ABCC2: variants seen among roughly 807,000 people sequenced by gnomAD.
ABCC2 encodes the protein ATP binding cassette subfamily C member 2.
Under a neutral mutation model 173.4 loss-of-function variants are expected in ABCC2, and 157 were observed. That is an observed-to-expected ratio of 0.91 (90% CI 0.80 to 1.03). The LOEUF (loss-of-function observed/expected upper bound fraction) is 1.03, where lower values mean the gene tolerates loss of function less well. ABCC2 is among the 50% of genes least tolerant of loss of function. ABCC2 has a pLI of 0.00. For missense variants in ABCC2, 1,822 were observed against 1,852.3 expected, an observed-to-expected ratio of 0.98 and a Z score of 0.30; for synonymous variants, 657 against 693.5, an observed-to-expected ratio of 0.95 and a Z score of 0.83.
intron 6 of ABCC2, 102 bp downstream of exon 6, chr10:99,794,570 G>A (rs1000137584): frequency 1.2e-4 from 147 of 1,190,650 alleles, no homozygotes; most frequent in Admixed American, 3.6e-4. Context: ...TTGAGATGGA[G>A]TTTTGCTCTT....
chr10:99,842,204 T>A, intron 26 of ABCC2, 111 bp downstream of exon 26: 1 of 1,480,490 alleles, frequency 6.8e-7, no homozygotes, highest in Non-Finnish European at 9.3e-7. Flanking sequence ...CCAGAGGGAC[T>A]AAAGAAGACT....
intron 25 of ABCC2, among the ~76,000 whole-genome samples, chr10:99,839,093 C>A (rs1259575014): frequency 7.2e-6 from 1 of 139,104 alleles, no homozygotes; most frequent in East Asian, 2.4e-4. Context: ...GGGGCAGACC[C>A]CCCCCCCACC....
intron 19 of ABCC2, among the ~76,000 whole-genome samples, chr10:99,830,094 A>C (rs550457538): frequency 2.5e-4 from 38 of 152,348 alleles, no homozygotes; most frequent in African/African-American, 8.7e-4. Flanking sequence ...GTGGAATATT[A>C]ATTCATCTCT....
intron 2 of ABCC2, chr10:99,789,274 A>T (rs1231706319): frequency 1.3e-5 from 2 of 152,230 alleles, no homozygotes; most frequent in East Asian, 3.9e-4. Flanking sequence ...TCTGAGTGGG[A>T]CACCTCCTCA....
chr10:99,814,158 C>T lies in ABCC2; in HGVS notation c.2094+1014C>T, dbSNP rs71488024. On this transcript the variant is annotated intron_variant, in intron 16 of 31. Coordinates refer to ENST00000647814, the MANE Select transcript of ABCC2 (RefSeq NM_000392.5). ...GTATATATACACACATGTATGTATA[C>T]ACACGTATATATACACACATGTATG... Among the ~76,000 whole-genome samples, 94 of 23,112 alleles carry T rather than the reference C, an allele frequency of 4.1e-3. 11 individuals carry two copies. In the Middle Eastern group the frequency reaches 0.088, roughly 22 times the overall value. The allele number at this position is 23,112 out of a possible 152,430, so 15.2% of individuals were successfully genotyped here.
chr10:99,834,145 G>C (rs1342795667), intron 23 of ABCC2, among the ~76,000 whole-genome samples: 2 of 152,208 alleles, frequency 1.3e-5, no homozygotes. Context: ...GCCTTGCAAA[G>C]TGCTGGGATT....
At chr10:99,784,817 C>G in intron 2 of ABCC2, 36 bp downstream of exon 2, 1 of 1,607,722 alleles carries the variant, frequency 6.2e-7, no homozygotes. Flanking sequence ...ACTCTAATTC[C>G]TTGGTGCACA....
chr10:99,851,757 C>T lies in ABCC2; in HGVS notation c.*126C>T, dbSNP rs1194645679. ...TACGTTTTAAAAAAGGATAAGTGAA[C>T]ACCCATGAACCTACTACCCAGGTTA... On this transcript the variant is annotated 3_prime_UTR_variant, in exon 32 of 32. Coordinates refer to ENST00000647814, the MANE Select transcript of ABCC2 (RefSeq NM_000392.5). 8 of 973,726 alleles carry T rather than the reference C, an allele frequency of 8.2e-6. No homozygotes were observed. In the East Asian group the frequency reaches 2.2e-4, roughly 27 times the overall value. 60.3% of individuals were successfully genotyped at this position (973,726 alleles called of 1,614,324 possible). A position where few individuals can be genotyped will look rare whatever the true frequency, so the allele number is the denominator to read the frequency against.
At position 99,817,261 on chromosome 10, in the gene ABCC2, G is replaced by A. The variant is rs56874013; in HGVS notation, c.2095-47G>A. Reference sequence around the variant, plus strand: ...CAGCCACCCCGTCCTTCAACCCTGCGTTTCTGGAGGTGCAGCTGTAACATG... The same window carrying A: ...CAGCCACCCCGTCCTTCAACCCTGCATTTCTGGAGGTGCAGCTGTAACATG... On this transcript the variant is annotated intron_variant, in intron 16 of 31. Transcript: ENST00000647814. The A allele has an allele frequency of 4.7e-3, 7,443 of 1,599,584 alleles. 248 individuals are homozygous for A. In the African/African-American group the frequency reaches 0.076, roughly 16 times the overall value.
At chr10:99,797,612 A>G (rs1429361419) in intron 7 of ABCC2, 12 of 407,824 alleles carry the variant, frequency 2.9e-5, no homozygotes, top group Non-Finnish European at 9.1e-6. Flanking sequence ...GCACCTTGGT[A>G]CAAATTAGCA....
intron 30 of ABCC2, among the ~76,000 whole-genome samples, chr10:99,848,243 C>T (rs1222261114): frequency 6.6e-6 from 1 of 152,228 alleles, no homozygotes; most frequent in African/African-American, 2.4e-5. Context: ...CTGAAATCAA[C>T]AAAAGACTCT....
At position 99,804,242 on chromosome 10, in the gene ABCC2, C is replaced by A. The variant is rs201399138; in HGVS notation, c.1433C>A (p.Ala478Glu). 6.2e-7 allele frequency: 1 copy of A among 1,613,918 alleles called. No individual in the cohort carries two copies. The highest frequency in any genetic ancestry group is 8.5e-7 in the Non-Finnish European group (1 of 1,179,968). The change falls in exon 10 of 32, where the codon GCG becomes GAG. Residue 478 changes from alanine (A) to glutamate (E), a missense_variant. Ala to Glu is a moderately radical substitution (Grantham distance 107, BLOSUM62 -1). Coordinates refer to ENST00000647814, the MANE Select transcript of ABCC2 (RefSeq NM_000392.5). ...GVMVLVIPIN[A>E]ILSTKSKTIQ... Reference sequence around the variant, plus strand: ...ATGGTGCTTGTAATCCCAATTAATGCGATACTGTCCACCAAGAGTAAGACC... The same window carrying A: ...ATGGTGCTTGTAATCCCAATTAATGAGATACTGTCCACCAAGAGTAAGACC...
intron 5 of ABCC2, 92 bp downstream of exon 5, chr10:99,794,091 G>T: frequency 8.1e-7 from 1 of 1,238,844 alleles, no homozygotes; most frequent in Non-Finnish European, 1.2e-6. Context: ...TCACGGAGGC[G>T]CCACAAGCCC....
In ABCC2 at chr10:99,831,840, A is replaced by G; in HGVS notation, c.3103+10A>G. ...CTGGGATTAGCCCAAGGTATGTCTG[A>G]TGGCTATGACATCTTACAGAATCTG... On this transcript the variant is annotated intron_variant, in intron 22 of 31. Coordinates refer to ENST00000647814, the MANE Select transcript of ABCC2 (RefSeq NM_000392.5). The G allele has an allele frequency of 1.2e-6, 2 of 1,613,740 alleles. No homozygotes were observed. Among genetic ancestry groups the G allele is most frequent in the Non-Finnish European group, 1.7e-6 (2 of 1,179,656 alleles).
intron 1 of ABCC2, among the ~76,000 whole-genome samples, chr10:99,783,375 G>T (rs1329795728): frequency 6.6e-6 from 1 of 152,144 alleles, no homozygotes; most frequent in South Asian, 2.1e-4. Flanking sequence ...AACTAGAGTT[G>T]GGTAATATTG....
rs72838129 is a variant in ABCC2, at chr10:99,844,724, T to C, written c.3987+259T>C. On this transcript the variant is annotated intron_variant, in intron 28 of 31. Coordinates refer to ENST00000647814, the MANE Select transcript of ABCC2 (RefSeq NM_000392.5). The stretch of plus-strand genomic sequence containing the variant: ...TCCTAGCCAGCTGACCAGGGCCCCT[T>C]TCCTATAAGGTCCACAGTATGCAGA... Among the ~76,000 whole-genome samples, 8,208 of 152,228 alleles carry C rather than the reference T, an allele frequency of 0.054. 249 individuals carry two copies. Among genetic ancestry groups the C allele is most frequent in the Middle Eastern group, 0.19 (55 of 292 alleles).
intron 2 of ABCC2, among the ~76,000 whole-genome samples, chr10:99,788,337 G>T (rs2037754195): frequency 6.6e-6 from 1 of 152,070 alleles, no homozygotes; most frequent in Non-Finnish European, 1.5e-5. Context: ...TACCTAAGCA[G>T]CCAAACTCGT....
intron 19 of ABCC2, among the ~76,000 whole-genome samples, chr10:99,820,372 CAA>C (rs2038512382): frequency 7.0e-6 from 1 of 143,654 alleles, no homozygotes; most frequent in South Asian, 2.2e-4. Context: ...GCCTGGGCAA[CAA>C]GAGTGAAACT....
At chr10:99,819,363 C>T (rs1450672648) in intron 19 of ABCC2, 94 bp downstream of exon 19, 2 of 1,256,668 alleles carry the variant, frequency 1.6e-6, no homozygotes, top group African/African-American at 2.9e-5. Context: ...ATCCAGTGAA[C>T]TAGATTTGGA....
Sources: gnomAD v4.1 joint callset for allele counts (sites outside exome capture counted in the v4.1 genomes callset) on GRCh38, gnomAD v4.1.1 for gene constraint, MANE v1.5 for transcripts, NCBI Gene and HGNC (gene_info 2026-07-23, HGNC 2026-07-21) for gene names.